NCAM2: variants seen among roughly 807,000 people sequenced by gnomAD.
The protein encoded by NCAM2 is N-CAM-2.
A neutral mutation model predicts 98.1 loss-of-function variants in NCAM2; 30 were observed. The observed-to-expected ratio is 0.31, with a 90% CI of 0.23 to 0.41. NCAM2 has a LOEUF of 0.41. Ranked by LOEUF, NCAM2 falls within the 10% of genes least tolerant of loss-of-function variation. The pLI is 1.00. For synonymous variants in NCAM2, 368 were observed against 342.4 expected (o/e 1.07, Z -0.83); for missense variants, 867 against 1,005.8 (o/e 0.86, Z 1.87).
chr21:21,172,961 A>T (rs1054736574), intron 1 of NCAM2, among the ~76,000 whole-genome samples: 1 of 152,150 alleles, frequency 6.6e-6, no homozygotes, highest in Admixed American at 6.5e-5. Context: ...TGCTTTAAAA[A>T]TTTACCCTGT....
chr21:21,371,414 TATAGAAGGCATCCACAATGGGGTGC>T (rs1400555299), intron 8 of NCAM2, among the ~76,000 whole-genome samples: 4 of 151,820 alleles, frequency 2.6e-5, no homozygotes, highest in African/African-American at 7.2e-5. Context: ...ACAGAATACC[TATAGAAGGCATCCACAATGGGGTGC>T]ATATTCTTTT....
chr21:21,201,050 A>G (rs1030479948), intron 1 of NCAM2, among the ~76,000 whole-genome samples: 16 of 152,084 alleles, frequency 1.1e-4, no homozygotes, highest in Admixed American at 1.0e-3. Context: ...AGAATGCCCT[A>G]ATGAAAGTGA....
intron 1 of NCAM2, among the ~76,000 whole-genome samples, chr21:21,242,165 C>G (rs1458896381): frequency 1.3e-5 from 2 of 151,932 alleles, no homozygotes; most frequent in Non-Finnish European, 2.9e-5. Context: ...AAAAAGAAAC[C>G]TCCCTATTGT....
Position 21,331,517 on chromosome 21 carries a change from C to CTCTCTATATATA in NCAM2, c.738-3987_738-3986insCTCTATATATAT, listed in dbSNP as rs1483062198. ...TATATATACTCTATACTCTCTCTCT[C>CTCTCTATATATA]TATATATATATATATATACTCTATA... On this transcript the variant is annotated intron_variant, in intron 6 of 17. Coordinates refer to ENST00000400546, the MANE Select transcript of NCAM2 (RefSeq NM_004540.5). Among the ~76,000 whole-genome samples the CTCTCTATATATA allele has an allele frequency of 1.0e-3, 7 of 6,938 alleles. 1 individual carries two copies. The East Asian group carries it at 0.016, about 16-fold the overall frequency. 4.6% of individuals were successfully genotyped at this position (6,938 alleles called of 152,430 possible).
chr21:21,352,274 G>C (rs886223169), intron 8 of NCAM2, among the ~76,000 whole-genome samples: 5 of 151,888 alleles, frequency 3.3e-5, no homozygotes, highest in Admixed American at 6.6e-5. Context: ...TTTGGCTGTT[G>C]TTGTTGGTGG....
At chr21:21,215,860 T>C (rs1480005654) in intron 1 of NCAM2, among the ~76,000 whole-genome samples, 1 of 152,200 alleles carries the variant, frequency 6.6e-6, no homozygotes, top group Non-Finnish European at 1.5e-5. Context: ...GAAACAATAT[T>C]GTTTAGCTCC....
At chr21:21,379,777 C>T (rs2076111886) in intron 9 of NCAM2, among the ~76,000 whole-genome samples, 1 of 151,880 alleles carries the variant, frequency 6.6e-6, no homozygotes, top group Non-Finnish European at 1.5e-5. Flanking sequence ...TATTTGCACT[C>T]ATCAGGATTC....
rs565300645 is a variant in NCAM2 at position 21,103,805 on chromosome 21, CTAAAGT to C, written c.55+105190_55+105195del. 2.8e-4 allele frequency among the ~76,000 whole-genome samples: 43 copies of C among 152,162 alleles called. No homozygotes were observed. In the South Asian group the frequency reaches 6.8e-3, roughly 24 times the overall value. ...GTTTTTGTAATTAGGTGAAACTTGC[CTAAAGT>C]TAGTCATTTTGTTTTTGTGTGTTAA... On this transcript the variant is annotated intron_variant, in intron 1 of 17. Coordinates refer to ENST00000400546, the MANE Select transcript of NCAM2 (RefSeq NM_004540.5).
At chr21:21,206,922 A>G (rs1195330876) in intron 1 of NCAM2, among the ~76,000 whole-genome samples, 1 of 152,130 alleles carries the variant, frequency 6.6e-6, no homozygotes, top group African/African-American at 2.4e-5. Flanking sequence ...TTAAAACTGT[A>G]AGCAAATAAT....
At position 21,538,089 on chromosome 21, in the gene NCAM2, TATG is replaced by T; in HGVS notation, c.*135_*137del. On this transcript the variant is annotated 3_prime_UTR_variant, in exon 18 of 18. Coordinates refer to ENST00000400546, the MANE Select transcript of NCAM2 (RefSeq NM_004540.5). Reference sequence around the variant, plus strand: ...TTGGAATAGCTTGTACACATATACATATGATCAAATACTCCTGCCCATGATCCA... The same window carrying T: ...TTGGAATAGCTTGTACACATATACATATCAAATACTCCTGCCCATGATCCA... 2.3e-6 allele frequency: 1 copy of T among 432,624 alleles called. No individual in the cohort carries two copies. Among genetic ancestry groups the T allele is most frequent in the Non-Finnish European group, 4.2e-6 (1 of 238,154 alleles). 26.8% of individuals were successfully genotyped at this position (432,624 alleles called of 1,614,324 possible). A position where few individuals can be genotyped will look rare whatever the true frequency, so the allele number is the denominator to read the frequency against.
chr21:21,263,800 A>G (rs1480841630), intron 1 of NCAM2, among the ~76,000 whole-genome samples: 1 of 152,134 alleles, frequency 6.6e-6, no homozygotes, highest in Non-Finnish European at 1.5e-5. Flanking sequence ...AACAGGCTAA[A>G]CGTATGCAGA....
chr21:21,262,965 C>T (rs1315569427), intron 1 of NCAM2, among the ~76,000 whole-genome samples: 1 of 151,972 alleles, frequency 6.6e-6, no homozygotes, highest in African/African-American at 2.4e-5. Context: ...AGACCTGCCC[C>T]CATGATTCAA....
intron 6 of NCAM2, among the ~76,000 whole-genome samples, chr21:21,326,220 A>C (rs1308166750): frequency 2.0e-5 from 3 of 152,160 alleles, no homozygotes; most frequent in Non-Finnish European, 4.4e-5. Flanking sequence ...ATATGACACC[A>C]GGTTTAAGAA....
rs1017067741 is a variant in NCAM2 at position 21,269,263 on chromosome 21, G to C, written c.56-11315G>C. 2.0e-5 allele frequency among the ~76,000 whole-genome samples: 3 copies of C among 152,108 alleles called. No homozygotes were observed. The East Asian group carries it at 5.8e-4, about 29-fold the overall frequency. The stretch of plus-strand genomic sequence containing the variant: ...AAAGAGCTCCTGCAACTGATTGGAG[G>C]CCTGAGAAACAGAATTGCTGTTTAC... On this transcript the variant is annotated intron_variant, in intron 1 of 17. Coordinates refer to ENST00000400546, the MANE Select transcript of NCAM2 (RefSeq NM_004540.5).
intron 1 of NCAM2, among the ~76,000 whole-genome samples, chr21:21,068,910 A>G (rs1010593971): frequency 6.6e-6 from 1 of 152,174 alleles, no homozygotes; most frequent in Non-Finnish European, 1.5e-5. Flanking sequence ...TCAACCTTGT[A>G]GCTCATACTA....
chr21:21,032,374 G>C (rs1430533168), intron 1 of NCAM2, among the ~76,000 whole-genome samples: 2 of 152,050 alleles, frequency 1.3e-5, no homozygotes, highest in African/African-American at 4.8e-5. Flanking sequence ...ACTTCATCAT[G>C]AGATTTCCCT....
chr21:21,041,041 A>T (rs915804347), intron 1 of NCAM2, among the ~76,000 whole-genome samples: 2 of 152,198 alleles, frequency 1.3e-5, no homozygotes, highest in African/African-American at 4.8e-5. Context: ...TTGCCCATAA[A>T]TATGGACAAT....
chr21:21,421,037 T>A (rs1013485210), intron 11 of NCAM2, among the ~76,000 whole-genome samples: 1 of 151,732 alleles, frequency 6.6e-6, no homozygotes. Flanking sequence ...AATATATGTA[T>A]ATATAATGTT....
At chr21:21,319,378 C>T (rs150567181) in intron 5 of NCAM2, among the ~76,000 whole-genome samples, 2 of 152,342 alleles carry the variant, frequency 1.3e-5, no homozygotes, top group African/African-American at 4.8e-5. Flanking sequence ...TGCAGTGGCT[C>T]ACGCCTGTAA....
Sources: allele counts gnomAD v4.1 joint callset (sites outside exome capture counted in the v4.1 genomes callset), GRCh38; gene constraint gnomAD v4.1.1; transcripts MANE v1.5; gene names NCBI Gene and HGNC (gene_info 2026-07-23, HGNC 2026-07-21).